ZFR: variants seen among roughly 807,000 people sequenced by gnomAD.
The protein encoded by ZFR is zinc finger RNA-binding protein.
In ZFR, 19 loss-of-function variants were observed where a neutral mutation model predicts 130.7. That is an observed-to-expected ratio of 0.15 (90% CI 0.10 to 0.21). The LOEUF (loss-of-function observed/expected upper bound fraction) is 0.21. ZFR is among the 10% of genes least tolerant of loss of function. ZFR has a pLI of 1.00. For synonymous variants in ZFR, 466 were observed against 456.9 expected (o/e 1.02, Z -0.25); for missense variants, 872 against 1,321.5 (o/e 0.66, Z 5.27).
At chr5:32,437,270 C>T (rs1754360682) in intron 2 of ZFR, among the ~76,000 whole-genome samples, 1 of 152,146 alleles carries the variant, frequency 6.6e-6, no homozygotes, top group South Asian at 2.1e-4. Flanking sequence ...TCTGTCTCCA[C>T]CCTCATGCCC....
chr5:32,414,822 A>G, intron 5 of ZFR, 147 bp downstream of exon 5: 1 of 651,816 alleles, frequency 1.5e-6, no homozygotes, highest in Non-Finnish European at 2.4e-6. Flanking sequence ...TTTACAGAAC[A>G]GTCACATTAT....
At chr5:32,370,308 G>T (rs199627767) in intron 17 of ZFR, among the ~76,000 whole-genome samples, 1 of 96,688 alleles carries the variant, frequency 1.0e-5, no homozygotes, top group African/African-American at 4.6e-5. Flanking sequence ...TGTGTTGTGG[G>T]GGGAGAGAGA....
chr5:32,422,665 T>C (rs1753982332), intron 2 of ZFR, among the ~76,000 whole-genome samples: 1 of 151,160 alleles, frequency 6.6e-6, no homozygotes, highest in Non-Finnish European at 1.5e-5. Flanking sequence ...CCACACATGG[T>C]AGTGTGTGCC....
rs144878949 is a variant in ZFR, at chr5:32,372,706, G to A, written c.2835+6409C>T. On this transcript the variant is annotated intron_variant, in intron 17 of 19. Transcript: ENST00000265069. ...AAATTATCCAGACATGGTGGCGCGC[G>A]CGCTTGTAATCCCAGTTACTTGAAA... Among the ~76,000 whole-genome samples the A allele has an allele frequency of 7.9e-3, 1,205 of 151,922 alleles. 14 individuals carry two copies. The highest frequency in any genetic ancestry group is 0.027 in the African/African-American group (1,136 of 41,442).
At chr5:32,444,488 T>G in intron 1 of ZFR, 134 bp downstream of exon 1, 1 of 1,275,890 alleles carries the variant, frequency 7.8e-7, no homozygotes, top group South Asian at 1.8e-5. Context: ...CGCCTCGCAC[T>G]CCCTCACTCA....
intron 19 of ZFR, among the ~76,000 whole-genome samples, chr5:32,357,103 C>G (rs1000581071): frequency 6.6e-6 from 1 of 151,880 alleles, no homozygotes; most frequent in Non-Finnish European, 1.5e-5. Flanking sequence ...CTCACTCAGC[C>G]TCCCGAGTAG....
chr5:32,396,176 G>C (rs972975895), intron 10 of ZFR, among the ~76,000 whole-genome samples: 1 of 150,416 alleles, frequency 6.6e-6, no homozygotes, highest in African/African-American at 2.5e-5. Flanking sequence ...TCATGTCATC[G>C]TACTCCAGCC....
At chr5:32,434,615 A>G (rs898271874) in intron 2 of ZFR, among the ~76,000 whole-genome samples, 1 of 152,228 alleles carries the variant, frequency 6.6e-6, no homozygotes, top group East Asian at 1.9e-4. Flanking sequence ...TCCATTTTCC[A>G]ATTATATTAG....
At chr5:32,444,185 G>A (rs1297460977) in intron 2 of ZFR, 44 bp downstream of exon 2, 1 of 1,581,380 alleles carries the variant, frequency 6.3e-7, no homozygotes, top group Admixed American at 1.8e-5. Flanking sequence ...TCCGGACCGA[G>A]GGGAGAGCAA....
chr5:32,393,639 G>T (rs1753231332), intron 11 of ZFR, among the ~76,000 whole-genome samples: 1 of 152,162 alleles, frequency 6.6e-6, no homozygotes, highest in Non-Finnish European at 1.5e-5. Flanking sequence ...ACTGTGCCCG[G>T]CCAGTTTTAA....
In ZFR at chr5:32,420,452, G is replaced by C. The variant is rs559714429; in HGVS notation, c.138-349C>G. Among the ~76,000 whole-genome samples, 4 of 152,232 alleles carry C rather than the reference G, an allele frequency of 2.6e-5. No individual in the cohort carries two copies. The East Asian group carries it at 7.7e-4, about 29-fold the overall frequency. On this transcript the variant is annotated intron_variant, in intron 2 of 19. Transcript: ENST00000265069. ...AAAACTGACCAAATTAGGAACTTTA[G>C]TGTTAGTTACATGTGAAGTTCTTTA...
At chr5:32,385,429 A>G in intron 15 of ZFR, 79 bp downstream of exon 15, 3 of 1,522,540 alleles carry the variant, frequency 2.0e-6, no homozygotes, top group Non-Finnish European at 2.7e-6. Context: ...GTTGCCTTCT[A>G]GGGCTTAATG....
intron 2 of ZFR, among the ~76,000 whole-genome samples, chr5:32,437,681 T>TA (rs1417218058): frequency 6.6e-6 from 1 of 152,100 alleles, no homozygotes; most frequent in Non-Finnish European, 1.5e-5. Context: ...GATCTATGTC[T>TA]CTGAGTAAAA....
intron 17 of ZFR, among the ~76,000 whole-genome samples, chr5:32,367,624 A>G: frequency 6.6e-6 from 1 of 151,988 alleles, no homozygotes; most frequent in African/African-American, 2.4e-5. Flanking sequence ...ATGTTGCCTG[A>G]GCTGGTCTTG....
chr5:32,415,687 T>C (rs1753812019), intron 4 of ZFR, among the ~76,000 whole-genome samples: 1 of 152,172 alleles, frequency 6.6e-6, no homozygotes, highest in Non-Finnish European at 1.5e-5. Context: ...TTTTCCATAG[T>C]GAACTACAAT....
rs780237808 is a variant in ZFR at position 32,444,701 on chromosome 5, G to A, written c.-43C>T. 6.7e-7 allele frequency: 1 copy of A among 1,501,820 alleles called. No homozygotes were observed. The highest frequency in any genetic ancestry group is 2.9e-5 in the East Asian group (1 of 34,484). The allele number at this position is 1,501,820 out of a possible 1,614,324, so 93.0% of individuals were successfully genotyped here. On this transcript the variant is annotated 5_prime_UTR_variant, in exon 1 of 20. Transcript: ENST00000265069. ...GCTGAACTCTGAACTCTCACCCGCT[G>A]CCTCCCTCCTCTGCCCCGCTCCTCC...
intron 2 of ZFR, among the ~76,000 whole-genome samples, chr5:32,421,686 C>A (rs1378692140): frequency 2.0e-5 from 3 of 151,806 alleles, no homozygotes; most frequent in African/African-American, 7.3e-5. Flanking sequence ...TACAGGGTGG[C>A]AGATTTCAGT....
intron 9 of ZFR, among the ~76,000 whole-genome samples, chr5:32,397,937 C>A (rs1389762916): frequency 1.5e-5 from 2 of 135,238 alleles, no homozygotes; most frequent in Non-Finnish European, 3.1e-5. Context: ...GGCTCACTGC[C>A]AGCTCCGCCT....
chr5:32,392,538 G>A (rs1425994579), intron 11 of ZFR, among the ~76,000 whole-genome samples: 1 of 152,096 alleles, frequency 6.6e-6, no homozygotes, highest in Non-Finnish European at 1.5e-5. Context: ...CACAAAAGAA[G>A]TATAAATAGC....
Sources: allele counts gnomAD v4.1 joint callset (sites outside exome capture counted in the v4.1 genomes callset), GRCh38; gene constraint gnomAD v4.1.1; transcripts MANE v1.5; gene names NCBI Gene and HGNC (gene_info 2026-07-23, HGNC 2026-07-21).